SZT2: variants seen among roughly 807,000 people sequenced by gnomAD.
The protein encoded by SZT2 is SZT2 subunit of KICSTOR complex.
A neutral mutation model predicts 404.2 loss-of-function variants in SZT2; 216 were observed. That is an observed-to-expected ratio of 0.53 (90% CI 0.48 to 0.60). The LOEUF (loss-of-function observed/expected upper bound fraction) is 0.60. Among genes scored for constraint, SZT2 ranks in the 20% least tolerant of loss-of-function variants. The pLI is 0.00. For synonymous variants in SZT2, 1,693 were observed against 1,749.9 expected (o/e 0.97, Z 0.81); for missense variants, 3,857 against 4,459.2 (o/e 0.86, Z 3.85).
chr1:43,432,010 C>T (rs899521501), intron 36 of SZT2, 109 bp downstream of exon 36: 27 of 1,352,186 alleles, frequency 2.0e-5, no homozygotes, highest in Non-Finnish European at 2.5e-5. Flanking sequence ...AGAGTTATCC[C>T]TCCTGTCTCC....
At position 43,450,665 on chromosome 1, in the gene SZT2, C is replaced by A; in HGVS notation, c.*185C>A. Reference sequence around the variant, plus strand: ...CCAGCCTGGCAGCAGGAACCGCCCTCCCCAAACACCCACAGCCACTGACCC... The same window carrying A: ...CCAGCCTGGCAGCAGGAACCGCCCTACCCAAACACCCACAGCCACTGACCC... On this transcript the variant is annotated 3_prime_UTR_variant, in exon 72 of 72. Transcript: ENST00000634258. This position sits in a 1 kb window ranked among gnomAD's most constrained non-coding sequence, Gnocchi z 4.3. 1 of 881,272 alleles carries A rather than the reference C, an allele frequency of 1.1e-6. No individual in the cohort carries two copies. 54.6% of individuals were successfully genotyped at this position (881,272 alleles called of 1,614,324 possible).
chr1:43,449,013 G>T, intron 70 of SZT2: 1 of 386,680 alleles, frequency 2.6e-6, no homozygotes, highest in Non-Finnish European at 4.7e-6. Flanking sequence ...TCAGAACTTT[G>T]TCAGTAGGCT....
chr1:43,400,387 C>G (rs745672729), intron 1 of SZT2, among the ~76,000 whole-genome samples: 4 of 152,196 alleles, frequency 2.6e-5, no homozygotes, highest in African/African-American at 7.2e-5. Context: ...GACTTAAAAT[C>G]TCTTCTGCTC....
At position 43,432,551 on chromosome 1, in the gene SZT2, C is replaced by T; in HGVS notation, c.5477C>T (p.Pro1826Leu). The change falls in exon 38 of 72, where the codon CCA (proline) becomes CTA (leucine). Residue 1826 changes from proline to leucine, a missense_variant. Coordinates refer to ENST00000634258, the MANE Select transcript of SZT2 (RefSeq NM_001365999.1). ...GCCAGCCCCCAAGCACCTGGGTCCCCAGAGGATTCTGAGGGTGTCCCCCTC... is the reference window on the plus strand; with the variant it reads ...GCCAGCCCCCAAGCACCTGGGTCCCTAGAGGATTCTGAGGGTGTCCCCCTC... The part of the protein sequence containing the change: ...LTASPQAPGS[P>L]EDSEGVPLIS... The T allele has an allele frequency of 6.2e-7, 1 of 1,613,390 alleles. No individual in the cohort carries two copies. The highest frequency in any genetic ancestry group is 8.5e-7 in the Non-Finnish European group (1 of 1,179,618).
chr1:43,410,113 A>G (rs556503368), intron 4 of SZT2: 10 of 152,308 alleles, frequency 6.6e-5, no homozygotes, highest in South Asian at 6.2e-4. Flanking sequence ...TATATCTACA[A>G]TGAACTCATT....
At position 43,442,384 on chromosome 1, in the gene SZT2, G is replaced by C. The variant is rs1655159164; in HGVS notation, c.7974+16G>C. On this transcript the variant is annotated intron_variant, in intron 57 of 71. Transcript: ENST00000634258. The surrounding 1 kb of genome is among the most constrained non-coding windows in gnomAD (Gnocchi z 4.5). ...GGACAAGAAGGTAAATATGGGGCCA[G>C]GGACTGGGTGGGAAGAGGGGTTCCG... 6.2e-7 allele frequency: 1 copy of C among 1,613,340 alleles called. No homozygotes were observed. Among genetic ancestry groups the C allele is most frequent in the Non-Finnish European group, 8.5e-7 (1 of 1,179,604 alleles).
In SZT2 at chr1:43,426,926, A is replaced by G. The variant is rs1653221426; in HGVS notation, c.3309+117A>G. 11 of 1,556,678 alleles carry G rather than the reference A, an allele frequency of 7.1e-6. No homozygotes were observed. Among genetic ancestry groups the G allele is most frequent in the Non-Finnish European group, 9.7e-6 (11 of 1,139,860 alleles). On this transcript the variant is annotated intron_variant, in intron 23 of 71. Coordinates refer to ENST00000634258, the MANE Select transcript of SZT2 (RefSeq NM_001365999.1). This position sits in a 1 kb window ranked among gnomAD's most constrained non-coding sequence, Gnocchi z 4.9. ...CTAAATGGCATCTGCCAATGACACAATGCCGTCATTTTCCATTGTCCTGGA... is the reference window on the plus strand; with the variant it reads ...CTAAATGGCATCTGCCAATGACACAGTGCCGTCATTTTCCATTGTCCTGGA...
intron 4 of SZT2, 136 bp from the exon 5 acceptor site, chr1:43,414,946 G>C: frequency 9.2e-7 from 1 of 1,085,686 alleles, no homozygotes. Context: ...ATTGGCTGTG[G>C]AGTCATACCT....
rs762928100 is a variant in SZT2, at chr1:43,439,710, A to T, written c.6983A>T (p.Glu2328Val). Residue 2328 changes from glutamate (E) to valine (V), a missense_variant, in exon 50 of 72, where the codon GAG (glutamate) becomes GTG (valine). Physicochemically the swap from Glu to Val is moderately radical, Grantham distance 121. Transcript: ENST00000634258. This position sits in a 1 kb window ranked among gnomAD's most constrained non-coding sequence, Gnocchi z 4.2. ...SPGPPDPLRE[E>V]EFEQLTQVIR... ...GGGCCCCCAGACCCACTGCGAGAGGAGGAATTTGAGCAACTGACCCAGGTC... is the reference window on the plus strand; with the variant it reads ...GGGCCCCCAGACCCACTGCGAGAGGTGGAATTTGAGCAACTGACCCAGGTC... 6.2e-7 allele frequency: 1 copy of T among 1,611,304 alleles called. No individual in the cohort carries two copies. Among genetic ancestry groups the T allele is most frequent in the Non-Finnish European group, 8.5e-7 (1 of 1,178,558 alleles).
In SZT2 at chr1:43,403,670, G is replaced by A. The variant is rs762071421; in HGVS notation, c.223G>A (p.Val75Ile). ...TGGGTGGCAGCCAGATGAACCAGTG[G>A]TCCCAAGGCCATTCCTCCTGGTACC... The part of the protein sequence containing the change: ...PPGWQPDEPV[V>I]PRPFLLVPST... Residue 75 changes from valine (V) to isoleucine (I), a missense_variant, in exon 3 of 72, where the codon GTC (valine) becomes ATC (isoleucine). Val to Ile is a conservative substitution (Grantham distance 29). Around this residue, in one of 7 missense-constraint regions of SZT2, gnomAD observed 536 missense variants for 637.4 expected, o/e 0.84. Coordinates refer to ENST00000634258, the MANE Select transcript of SZT2 (RefSeq NM_001365999.1). 6.2e-6 allele frequency: 10 copies of A among 1,614,066 alleles called. No individual in the cohort carries two copies. Among genetic ancestry groups the A allele is most frequent in the Non-Finnish European group, 8.5e-6 (10 of 1,180,056 alleles).
Position 43,442,904 on chromosome 1 carries a change from G to T in SZT2, c.8237G>T (p.Arg2746Leu). Reference protein sequence around the residue: ...ASPPLSREQGRLSGSSRGGGP... With the variant: ...ASPPLSREQGLLSGSSRGGGP... ...CCCCCGCTGAGCCGTGAGCAGGGCC[G>T]ACTGAGTGGGTCCTCTCGTGGTGGG... The change falls in exon 59 of 72, where the codon CGA becomes CTA. Residue 2746 changes from arginine (R) to leucine (L), a missense_variant. By Grantham distance (102) the Arg-to-Leu change is moderately radical (BLOSUM62 -2). Transcript: ENST00000634258. This position sits in a 1 kb window ranked among gnomAD's most constrained non-coding sequence, Gnocchi z 4.5. The T allele has an allele frequency of 6.2e-7, 1 of 1,614,090 alleles. No homozygotes were observed. Among genetic ancestry groups the T allele is most frequent in the South Asian group, 1.1e-5 (1 of 91,080 alleles).
chr1:43,411,717 C>CAA, intron 4 of SZT2, among the ~76,000 whole-genome samples: 1 of 144,442 alleles, frequency 6.9e-6, no homozygotes, highest in Non-Finnish European at 1.5e-5. Flanking sequence ...AAAACAAAAA[C>CAA]AAAAGCAAAA....
intron 70 of SZT2, chr1:43,449,027 G>T (rs1656053092): frequency 2.8e-6 from 1 of 355,264 alleles, no homozygotes; most frequent in Non-Finnish European, 5.2e-6. Flanking sequence ...GTAGGCTGGA[G>T]CCCCAGAAAG....
chr1:43,416,247 T>G, intron 6 of SZT2, 146 bp downstream of exon 6: 1 of 1,100,370 alleles, frequency 9.1e-7, no homozygotes, highest in African/African-American at 1.6e-5. Flanking sequence ...TAAGTCTGTA[T>G]TAGTGTGTAT....
chr1:43,391,003 T>G (rs1265976489), intron 1 of SZT2, among the ~76,000 whole-genome samples: 1 of 152,200 alleles, frequency 6.6e-6, no homozygotes, highest in African/African-American at 2.4e-5. Flanking sequence ...GTTTAGGAAC[T>G]GAGGCACAGA....
rs1653042892 is a variant in SZT2, at chr1:43,425,573, G to T, written c.2745G>T (p.Gly915=). The T allele has an allele frequency of 6.2e-7, 1 of 1,614,084 alleles. No individual in the cohort carries two copies. The highest frequency in any genetic ancestry group is 1.3e-5 in the African/African-American group (1 of 74,938). The change falls in exon 19 of 72, where the codon GGG becomes GGT. Residue 915 remains glycine (G), a synonymous_variant. Transcript: ENST00000634258. This position sits in a 1 kb window ranked among gnomAD's most constrained non-coding sequence, Gnocchi z 4.3. ...AGGTGTGGGTGGAGCCACAGTATGG[G>T]CGAGTGGGACCTGGCCCTGGAATCT... ...VTEVWVEPQY[G]RVGPGPGIWK...
In SZT2 at chr1:43,451,452, C is replaced by T; in HGVS notation, c.*972C>T. On this transcript the variant is annotated 3_prime_UTR_variant, in exon 72 of 72. Transcript: ENST00000634258. ...CAGCCCACGAAGCCTTTGTAGCCTT[C>T]ATCTTCCAGCAGTTGAAACAGATAG... 6.2e-7 allele frequency: 1 copy of T among 1,613,910 alleles called. No homozygotes were observed. The highest frequency in any genetic ancestry group is 2.2e-5 in the East Asian group (1 of 44,880).
chr1:43,416,022 G>C lies in SZT2; in HGVS notation c.693G>C (p.Val231=), dbSNP rs1451268281. The C allele has an allele frequency of 5.0e-6, 8 of 1,598,278 alleles. No homozygotes were observed. The African/African-American group carries it at 8.0e-5, about 16-fold the overall frequency. ...GCCGGAAGGTAGGCGTCTCCATGGT[G>C]ACAGCTGATCTTGGGCTGGTCAGTA... The part of the protein sequence containing the change: ...LLGRKVGVSM[V]TADLGLVSMI... The change falls in exon 6 of 72, where the codon GTG becomes GTC. Residue 231 remains valine (V), a synonymous_variant. Transcript: ENST00000634258.
rs752430414 is a variant in SZT2, at chr1:43,442,153, C to T, written c.7873+23C>T. 20 of 1,147,690 alleles carry T rather than the reference C, an allele frequency of 1.7e-5. No homozygotes were observed. Among genetic ancestry groups the T allele is most frequent in the African/African-American group, 8.7e-5 (5 of 57,668 alleles). The allele number at this position is 1,147,690 out of a possible 1,614,324, so 71.1% of individuals were successfully genotyped here. ...AGGGTGAGGGCATGGCCCGGGGGGG[C>T]GGGGGGCGGGTAGGCTAAGAGTAAC... On this transcript the variant is annotated intron_variant, in intron 56 of 71. Coordinates refer to ENST00000634258, the MANE Select transcript of SZT2 (RefSeq NM_001365999.1). This position sits in a 1 kb window ranked among gnomAD's most constrained non-coding sequence, Gnocchi z 4.5.
Sources: allele counts gnomAD v4.1 joint callset (sites outside exome capture counted in the v4.1 genomes callset), GRCh38; gene constraint gnomAD v4.1.1; regional missense constraint gnomAD v4.1.1; non-coding constraint Gnocchi (gnomAD v3.1); transcripts MANE v1.5; gene names NCBI Gene and HGNC (gene_info 2026-07-23, HGNC 2026-07-21).